The following C16orf46 variants were observed in gnomAD, a reference collection of about 807,000 sequenced individuals.
C16orf46 encodes the protein uncharacterized protein C16orf46.
C16orf46 carries 7 observed loss-of-function variants against 5.5 expected under a neutral mutation model. That is an observed-to-expected ratio of 1.28 (90% confidence interval 0.73 to 2.40). The LOEUF (loss-of-function observed/expected upper bound fraction) is 2.40. C16orf46 is among the 30% of genes most tolerant of loss of function. The pLI is 0.00. For synonymous variants in C16orf46, 200 were observed against 184.1 expected (o/e 1.09, Z -0.70); for missense variants, 614 against 476.0 (o/e 1.29, Z -2.70).
exon 4 of C16orf46, chr16:81,054,034 T>C (rs2151744663): frequency 1.3e-6 from 2 of 1,593,614 alleles, no homozygotes; most frequent in Non-Finnish European, 1.7e-6. Flanking sequence ...CTCAACCGTG[T>C]TGCTGCTTAG....
chr16:81,074,273 A>AG (rs1344209172), intron 1 of C16orf46, among the ~76,000 whole-genome samples: 3 of 152,242 alleles, frequency 2.0e-5, no homozygotes, highest in African/African-American at 7.2e-5. Context: ...CAATACCTCA[A>AG]AAGTGGTCTG....
chr16:81,074,636 GC>G (rs1971965837), intron 1 of C16orf46, among the ~76,000 whole-genome samples: 1 of 152,058 alleles, frequency 6.6e-6, no homozygotes, highest in African/African-American at 2.4e-5. Flanking sequence ...GCCCGCCTCA[GC>G]CTCCCAAAGT....
chr16:81,059,320 CAAAAAA>C (rs71143671), downstream of C16orf46, among the ~76,000 whole-genome samples: 1 of 46,612 alleles, frequency 2.1e-5, no homozygotes, highest in African/African-American at 9.5e-5. Flanking sequence ...GACTCTGTCT[CAAAAAA>C]AAAAAAAAAA....
chr16:81,068,841 C>T (rs1433797005), intron 1 of C16orf46, among the ~76,000 whole-genome samples: 1 of 151,812 alleles, frequency 6.6e-6, no homozygotes, highest in Admixed American at 6.6e-5. Context: ...AGCTGGGATT[C>T]CAGGCGCATG....
chr16:81,067,299 G>A (rs1436833171), intron 1 of C16orf46, among the ~76,000 whole-genome samples: 2 of 152,168 alleles, frequency 1.3e-5, no homozygotes, highest in African/African-American at 4.8e-5. Flanking sequence ...ATAATGTGAG[G>A]TTGAGGTTAG....
downstream of C16orf46, among the ~76,000 whole-genome samples, chr16:81,059,608 G>A (rs984092744): frequency 3.3e-5 from 5 of 152,222 alleles, no homozygotes; most frequent in South Asian, 8.3e-4. Flanking sequence ...ATTTAATTTA[G>A]ATAGAACGGT....
chr16:81,057,442 G>A (rs756927714), downstream of C16orf46, among the ~76,000 whole-genome samples: 3 of 151,250 alleles, frequency 2.0e-5, no homozygotes, highest in South Asian at 2.1e-4. Context: ...CCACCTACTC[G>A]TGAGTCTGAG....
chr16:81,071,774 T>G (rs1454293196), intron 1 of C16orf46, among the ~76,000 whole-genome samples: 1 of 152,144 alleles, frequency 6.6e-6, no homozygotes, highest in Non-Finnish European at 1.5e-5. Context: ...ATACCGAGTC[T>G]CTAAGAGAAT....
downstream of C16orf46, among the ~76,000 whole-genome samples, chr16:81,060,150 T>C (rs1567572108): frequency 6.6e-6 from 1 of 151,990 alleles, no homozygotes; most frequent in African/African-American, 2.4e-5. Flanking sequence ...TAGCTAAAAC[T>C]TCCAGACACA....
Position 81,063,620 on chromosome 16 carries a change from C to A in C16orf46, c.210+126G>T, listed in dbSNP as rs141244461. The A allele has an allele frequency of 5.0e-5, 39 of 777,978 alleles. No homozygotes were observed. The African/African-American group carries it at 5.4e-4, about 11-fold the overall frequency. The allele number at this position is 777,978 out of a possible 1,614,324, so 48.2% of individuals were successfully genotyped here. Reference sequence around the variant, plus strand: ...CATCAGTAATATTTTACCTCAATTCCAGGGTTTCTACATGTCATTGATTCC... The same window carrying A: ...CATCAGTAATATTTTACCTCAATTCAAGGGTTTCTACATGTCATTGATTCC... On this transcript the variant is annotated intron_variant, in intron 3 of 3. Coordinates refer to ENST00000299578, the MANE Select transcript of C16orf46 (RefSeq NM_152337.3).
At chr16:81,067,151 A>T (rs920617025) in intron 1 of C16orf46, among the ~76,000 whole-genome samples, 1 of 152,236 alleles carries the variant, frequency 6.6e-6, no homozygotes, top group Admixed American at 6.5e-5. Context: ...CCTAAAAAAT[A>T]TAGCCTATGG....
chr16:81,066,360 T>C (rs1971654463), intron 1 of C16orf46, 79 bp from the exon 2 acceptor site: 1 of 151,982 alleles, frequency 6.6e-6, no homozygotes, highest in South Asian at 2.1e-4. Context: ...TATCAAGTTG[T>C]TGTCTGTCTC....
chr16:81,053,841 T>C (rs1033147578), exon 4 of C16orf46: 9 of 479,856 alleles, frequency 1.9e-5, no homozygotes, highest in Non-Finnish European at 3.0e-5. Context: ...TATAACCTCT[T>C]TTTGGGGGCC....
intron 3 of C16orf46, among the ~76,000 whole-genome samples, chr16:81,063,450 A>G (rs1254562812): frequency 6.6e-6 from 1 of 152,002 alleles, no homozygotes; most frequent in Non-Finnish European, 1.5e-5. Flanking sequence ...GACTCAGTAT[A>G]CTCATCCACA....
At chr16:81,065,272 G>A (rs1337798671) in intron 2 of C16orf46, among the ~76,000 whole-genome samples, 1 of 152,064 alleles carries the variant, frequency 6.6e-6, no homozygotes, top group African/African-American at 2.4e-5. Context: ...TAGGTGTTGA[G>A]ACCAGCCTGA....
Position 81,062,039 on chromosome 16 carries a change from C to T in C16orf46, c.310G>A (p.Val104Met), listed in dbSNP as rs756646141. ...CTCCAGTGGGAGAGGTTAACACACA[C>T]CAAGCAGTCGCTGCAGGCACCTTCC... Reference protein sequence around the residue: ...VGEGACSDCLVCVNLSHWSLQ... With the variant: ...VGEGACSDCLMCVNLSHWSLQ... The change falls in exon 4 of 4, where the codon GTG becomes ATG. Residue 104 changes from valine (V) to methionine (M), a missense_variant. Physicochemically the swap from Val to Met is conservative, Grantham distance 21. Transcript: ENST00000299578. 1 of 1,613,608 alleles carries T rather than the reference C, an allele frequency of 6.2e-7. No individual in the cohort carries two copies. Among genetic ancestry groups the T allele is most frequent in the Non-Finnish European group, 8.5e-7 (1 of 1,180,006 alleles).
intron 2 of C16orf46, among the ~76,000 whole-genome samples, chr16:81,065,323 A>T (rs1437642363): frequency 6.6e-6 from 1 of 151,972 alleles, no homozygotes; most frequent in Non-Finnish European, 1.5e-5. Flanking sequence ...AATACAAAAA[A>T]GTTAGCCAGG....
chr16:81,061,847 ACTC>A lies in C16orf46; in HGVS notation c.499_501del (p.Glu167del). The A allele has an allele frequency of 6.2e-7, 1 of 1,614,018 alleles. No homozygotes were observed. Among genetic ancestry groups the A allele is most frequent in the Non-Finnish European group, 8.5e-7 (1 of 1,180,000 alleles). On this transcript the variant is annotated inframe_deletion, in exon 4 of 4. Coordinates refer to ENST00000299578, the MANE Select transcript of C16orf46 (RefSeq NM_152337.3). ...GCCCAGTCTTTGTTGCACCAAATAA[ACTC>A]CTTGATTTGCAGACTTTTTTTCTCT...
At position 81,069,120 on chromosome 16, in the gene C16orf46, G is replaced by A. The variant is rs1412625476; in HGVS notation, c.-127-2839C>T. On this transcript the variant is annotated intron_variant, in intron 1 of 3. Transcript: ENST00000299578. ...CTGATTTTGTGTCTGCTTATTTTTG[G>A]TTTATGTCTTTTTTGCCCCAGATAG... Among the ~76,000 whole-genome samples the A allele has an allele frequency of 3.9e-5, 6 of 152,078 alleles. No individual in the cohort carries two copies. In the East Asian group the frequency reaches 1.2e-3, roughly 29 times the overall value.
Sources: allele counts gnomAD v4.1 joint callset (sites outside exome capture counted in the v4.1 genomes callset), GRCh38; gene constraint gnomAD v4.1.1; transcripts MANE v1.5; gene names NCBI Gene and HGNC (gene_info 2026-07-23, HGNC 2026-07-21).